LRRFIP1: variants seen among roughly 807,000 people sequenced by gnomAD.
LRRFIP1 encodes the protein leucine-rich repeat flightless-interacting protein 1.
Under a neutral mutation model 104.4 loss-of-function variants are expected in LRRFIP1, and 62 were observed. That is an observed-to-expected ratio of 0.59 (90% CI 0.48 to 0.73). LRRFIP1 has a LOEUF of 0.73. LRRFIP1 is among the 30% of genes least tolerant of loss of function. LRRFIP1 has a pLI of 0.00. For missense variants in LRRFIP1, 796 were observed against 824.5 expected (o/e 0.97, Z 0.42); for synonymous variants, 300 against 299.0 (o/e 1.00, Z -0.03).
chr2:237,743,823 G>C (rs904451142), intron 11 of LRRFIP1, among the ~76,000 whole-genome samples: 17 of 152,132 alleles, frequency 1.1e-4, no homozygotes, highest in Admixed American at 4.6e-4. Context: ...CAGAGCTTGG[G>C]CCACACCCAA....
In LRRFIP1 at chr2:237,627,591, C is replaced by T; in HGVS notation, c.-54C>T. On this transcript the variant is annotated 5_prime_UTR_variant, in exon 1 of 24. Coordinates refer to ENST00000308482, the MANE Select transcript of LRRFIP1 (RefSeq NM_001137550.2). ...GGCCGGGGCCGGGGCCGGGCCGGGGCGGCGCGAGCGGCTGGAGCAACGGGC... is the reference window on the plus strand; with the variant it reads ...GGCCGGGGCCGGGGCCGGGCCGGGGTGGCGCGAGCGGCTGGAGCAACGGGC... The T allele has an allele frequency of 2.8e-6, 3 of 1,064,684 alleles. No individual in the cohort carries two copies. Among genetic ancestry groups the T allele is most frequent in the South Asian group, 3.6e-5 (1 of 27,614 alleles). 66.0% of individuals were successfully genotyped at this position (1,064,684 alleles called of 1,614,324 possible).
intron 1 of LRRFIP1, among the ~76,000 whole-genome samples, chr2:237,640,584 A>G (rs1288244623): frequency 6.6e-6 from 1 of 152,108 alleles, no homozygotes; most frequent in African/African-American, 2.4e-5. Context: ...TGGATGTTGG[A>G]CAACAGAAAG....
At chr2:237,657,833 A>C (rs1238816028) in intron 1 of LRRFIP1, among the ~76,000 whole-genome samples, 1 of 152,236 alleles carries the variant, frequency 6.6e-6, no homozygotes, top group African/African-American at 2.4e-5. Flanking sequence ...TGTTCCATGG[A>C]ATCACTGAGA....
chr2:237,629,883 A>G (rs959855388), intron 1 of LRRFIP1, among the ~76,000 whole-genome samples: 6 of 152,138 alleles, frequency 3.9e-5, no homozygotes. Context: ...GGAGTTACAG[A>G]GATAGACTTG....
chr2:237,696,153 TA>T (rs775854043), intron 1 of LRRFIP1, among the ~76,000 whole-genome samples: 7 of 152,258 alleles, frequency 4.6e-5, no homozygotes, highest in Non-Finnish European at 1.0e-4. Context: ...AGTAGAGAAG[TA>T]ATTTATCTTA....
chr2:237,751,334 A>G, intron 14 of LRRFIP1, 63 bp downstream of exon 14: 2 of 1,301,406 alleles, frequency 1.5e-6, no homozygotes, highest in Admixed American at 2.3e-5. Flanking sequence ...AAAAAAAACA[A>G]CATCCTAAAG....
At chr2:237,635,126 G>A (rs2082900866) in intron 1 of LRRFIP1, among the ~76,000 whole-genome samples, 1 of 152,152 alleles carries the variant, frequency 6.6e-6, no homozygotes, top group African/African-American at 2.4e-5. Context: ...ACATCCTTCA[G>A]TAGCTTTCGG....
At chr2:237,663,215 G>A (rs4663778) in intron 1 of LRRFIP1, among the ~76,000 whole-genome samples, 136,186 of 152,290 alleles carry the variant, frequency 0.89, 61,192 homozygotes, top group East Asian at 0.98. Context: ...AGAATTTTTA[G>A]TTTAAAAGAA....
chr2:237,765,643 C>G, intron 19 of LRRFIP1: 6 of 973,428 alleles, frequency 6.2e-6, no homozygotes, highest in Non-Finnish European at 7.3e-6. Context: ...TATATTCTTA[C>G]TGGAAAATTC....
At chr2:237,738,615 T>C (rs2095324888) in intron 10 of LRRFIP1, among the ~76,000 whole-genome samples, 1 of 152,202 alleles carries the variant, frequency 6.6e-6, no homozygotes, top group Non-Finnish European at 1.5e-5. Context: ...AAATCAAAGT[T>C]ACAAGGGCGT....
At chr2:237,704,187 C>G (rs1426809787) in intron 1 of LRRFIP1, among the ~76,000 whole-genome samples, 1 of 145,036 alleles carries the variant, frequency 6.9e-6, no homozygotes, top group Non-Finnish European at 1.5e-5. Context: ...GAGTCTCGCT[C>G]TGTTGCCCAG....
intron 1 of LRRFIP1, among the ~76,000 whole-genome samples, chr2:237,665,351 CAT>C (rs2089006936): frequency 6.6e-6 from 1 of 152,150 alleles, no homozygotes; most frequent in Non-Finnish European, 1.5e-5. Flanking sequence ...TTGAACAAAA[CAT>C]GTATAATTGA....
chr2:237,734,001 T>TC (rs1441948405), intron 9 of LRRFIP1, among the ~76,000 whole-genome samples, 183 bp downstream of exon 9: 2 of 152,120 alleles, frequency 1.3e-5, no homozygotes, highest in African/African-American at 4.8e-5. Flanking sequence ...GGGTTTTCTC[T>TC]CCCCCGATTG....
chr2:237,679,899 C>A (rs187499258), intron 1 of LRRFIP1, among the ~76,000 whole-genome samples: 4 of 152,190 alleles, frequency 2.6e-5, no homozygotes, highest in African/African-American at 9.7e-5. Flanking sequence ...TGAGCCACCG[C>A]GCCCAGCCTG....
intron 19 of LRRFIP1, chr2:237,765,515 A>G: frequency 2.1e-6 from 2 of 972,628 alleles, no homozygotes; most frequent in Non-Finnish European, 2.4e-6. Context: ...TCAAAAGAGC[A>G]GTAAAAAATG....
chr2:237,753,988 G>A (rs1221247079), intron 15 of LRRFIP1, among the ~76,000 whole-genome samples: 1 of 152,006 alleles, frequency 6.6e-6, no homozygotes, highest in African/African-American at 2.4e-5. Flanking sequence ...CATACTCTTT[G>A]CCAAGTGACT....
chr2:237,670,403 T>C (rs1463270741), intron 1 of LRRFIP1, among the ~76,000 whole-genome samples: 2 of 152,124 alleles, frequency 1.3e-5, no homozygotes, highest in Admixed American at 1.3e-4. Flanking sequence ...GGGGAAAATG[T>C]TTATTTGTTC....
chr2:237,762,107 G>A (rs926403551), intron 19 of LRRFIP1, among the ~76,000 whole-genome samples: 10 of 152,170 alleles, frequency 6.6e-5, no homozygotes, highest in African/African-American at 2.4e-4. Context: ...CCTTGAGGCT[G>A]CATTTCTAAA....
chr2:237,690,517 A>C (rs1479902018), intron 1 of LRRFIP1, among the ~76,000 whole-genome samples: 1 of 152,190 alleles, frequency 6.6e-6, no homozygotes. Flanking sequence ...CAGGCAGATC[A>C]TTTGAGGTCA....
Sources: allele counts gnomAD v4.1 joint callset (sites outside exome capture counted in the v4.1 genomes callset), GRCh38; gene constraint gnomAD v4.1.1; transcripts MANE v1.5; gene names NCBI Gene and HGNC (gene_info 2026-07-23, HGNC 2026-07-21).